The following TENM3 variants were observed in gnomAD, a reference collection of about 807,000 sequenced individuals.
TENM3 encodes the protein teneurin transmembrane protein 3.
TENM3 carries 63 observed loss-of-function variants against 255.1 expected under a neutral mutation model. That is an observed-to-expected ratio of 0.25 (90% CI 0.20 to 0.30). TENM3 has a LOEUF of 0.30. Among genes scored for constraint, TENM3 ranks in the 10% least tolerant of loss-of-function variants. TENM3 has a pLI of 1.00. For missense variants in TENM3, 2,929 were observed against 3,461.1 expected (o/e 0.85, Z 3.86); for synonymous variants, 1,306 against 1,322.3 (o/e 0.99, Z 0.27).
At chr4:181,497,079 G>T in the TENM3 span, among the ~76,000 whole-genome samples, 1 of 152,102 alleles carries the variant, frequency 6.6e-6, no homozygotes, top group Non-Finnish European at 1.5e-5. Flanking sequence ...AAGAATTTAA[G>T]TAGCTCACGA....
chr4:182,655,150 A>G (rs1379397887), intron 6 of TENM3, among the ~76,000 whole-genome samples: 1 of 152,204 alleles, frequency 6.6e-6, no homozygotes, highest in Admixed American at 6.5e-5. Context: ...AATAACATAT[A>G]TAAACAAAAT....
chr4:181,562,125 A>AT, the TENM3 span, among the ~76,000 whole-genome samples: 1 of 152,046 alleles, frequency 6.6e-6, no homozygotes, highest in Admixed American at 6.6e-5. Flanking sequence ...TATTTCAAAT[A>AT]TTTTTCCCAG....
At chr4:181,870,158 G>T in the TENM3 span, among the ~76,000 whole-genome samples, 1 of 152,102 alleles carries the variant, frequency 6.6e-6, no homozygotes, top group Non-Finnish European at 1.5e-5. Context: ...TATGACAGTA[G>T]TCATACATTT....
chr4:182,569,201 T>C (rs1486889809), intron 3 of TENM3, among the ~76,000 whole-genome samples: 2 of 152,198 alleles, frequency 1.3e-5, no homozygotes, highest in African/African-American at 4.8e-5. Flanking sequence ...TGGGAAATTC[T>C]GAGATAAACA....
At chr4:182,676,075 C>G (rs1168655624) in intron 7 of TENM3, among the ~76,000 whole-genome samples, 1 of 152,210 alleles carries the variant, frequency 6.6e-6, no homozygotes, top group African/African-American at 2.4e-5. Context: ...TTGTATAAGG[C>G]AGCCCAAATT....
At chr4:181,552,959 C>A in the TENM3 span, among the ~76,000 whole-genome samples, 3 of 152,308 alleles carry the variant, frequency 2.0e-5, no homozygotes, top group Admixed American at 2.0e-4. Context: ...ACACACCACA[C>A]ACACTTCCTT....
intron 3 of TENM3, among the ~76,000 whole-genome samples, chr4:182,473,469 C>G (rs577184064): frequency 3.3e-3 from 506 of 152,204 alleles, no homozygotes; most frequent in Middle Eastern, 0.01. Context: ...GTCAGGAGAT[C>G]GAGACCATGC....
the TENM3 span, among the ~76,000 whole-genome samples, chr4:182,129,613 A>G: frequency 6.6e-6 from 1 of 152,184 alleles, no homozygotes; most frequent in Non-Finnish European, 1.5e-5. Context: ...GGATAATCAA[A>G]GAGTGGATTC....
chr4:181,658,116 C>T, the TENM3 span, among the ~76,000 whole-genome samples: 3 of 152,086 alleles, frequency 2.0e-5, no homozygotes, highest in Non-Finnish European at 4.4e-5. Flanking sequence ...TTATAACAAA[C>T]CTGCACATGT....
the TENM3 span, among the ~76,000 whole-genome samples, chr4:181,801,242 GTTT>G: frequency 6.8e-6 from 1 of 146,798 alleles, no homozygotes; most frequent in Non-Finnish European, 1.5e-5. Flanking sequence ...TCTGTTTTTT[GTTT>G]GTTTGCTTGT....
chr4:182,107,526 GGGACATTGGGTT>G, the TENM3 span, among the ~76,000 whole-genome samples: 1 of 152,204 alleles, frequency 6.6e-6, no homozygotes, highest in Non-Finnish European at 1.5e-5. Context: ...GAAAAGTGGG[GGGACATTGGGTT>G]GGCCCAAGGC....
At chr4:181,807,912 G>A in the TENM3 span, among the ~76,000 whole-genome samples, 10 of 152,164 alleles carry the variant, frequency 6.6e-5, no homozygotes, top group African/African-American at 1.9e-4. Context: ...TCCTCTAGGG[G>A]AAGTGACTCC....
intron 3 of TENM3, among the ~76,000 whole-genome samples, chr4:182,440,246 G>C (rs533340930): frequency 6.6e-6 from 1 of 151,736 alleles, no homozygotes; most frequent in Admixed American, 6.6e-5. Flanking sequence ...CAAGTAACTG[G>C]GACTACAGGC....
chr4:181,536,476 C>T, the TENM3 span, among the ~76,000 whole-genome samples: 2 of 152,180 alleles, frequency 1.3e-5, no homozygotes, highest in African/African-American at 2.4e-5. Flanking sequence ...AATATACACA[C>T]ATATATGTTA....
At position 182,305,033 on chromosome 4, in the gene TENM3, G is replaced by A. The variant is rs116122524; in HGVS notation, c.-75-18913G>A. Among the ~76,000 whole-genome samples, 797 of 152,076 alleles carry A rather than the reference G, an allele frequency of 5.2e-3. 8 individuals are homozygous for A. The highest frequency in any genetic ancestry group is 0.018 in the African/African-American group (764 of 41,458). On this transcript the variant is annotated intron_variant, in intron 1 of 27. Transcript: ENST00000511685. ...TATTCCTGTAGCAGGAGACACAGGT[G>A]GATGGTAAGGTCTAATTTCCAGAAA...
chr4:182,168,155 G>A (rs1448754856), intron 1 of TENM3, among the ~76,000 whole-genome samples: 1 of 149,172 alleles, frequency 6.7e-6, no homozygotes, highest in East Asian at 2.0e-4. Context: ...TTTTTTTCGA[G>A]ACAGGGTCTC....
intron 22 of TENM3, among the ~76,000 whole-genome samples, chr4:182,766,146 G>C (rs1419958580): frequency 1.3e-5 from 2 of 152,124 alleles, no homozygotes; most frequent in African/African-American, 4.8e-5. Flanking sequence ...CAGGCACCAG[G>C]ATACAAGGAG....
chr4:182,110,885 A>G, the TENM3 span, among the ~76,000 whole-genome samples: 4 of 152,196 alleles, frequency 2.6e-5, no homozygotes, highest in African/African-American at 9.6e-5. Context: ...TATAGAAACT[A>G]TAAGGCCATT....
At chr4:182,356,119 G>A (rs1202079776) in intron 3 of TENM3, among the ~76,000 whole-genome samples, 1 of 150,542 alleles carries the variant, frequency 6.6e-6, no homozygotes, top group African/African-American at 2.5e-5. Context: ...AGAAACGAAG[G>A]ACCTTTTATA....
Sources: allele counts gnomAD v4.1 joint callset (sites outside exome capture counted in the v4.1 genomes callset), GRCh38; gene constraint gnomAD v4.1.1; transcripts MANE v1.5; gene names NCBI Gene and HGNC (gene_info 2026-07-23, HGNC 2026-07-21).